The following DNAI4 variants were observed in gnomAD, a reference collection of about 807,000 sequenced individuals.
DNAI4 encodes the protein WD repeat domain 78.
In DNAI4, 85 loss-of-function variants were observed where a neutral mutation model predicts 105.8. That is an observed-to-expected ratio of 0.80 (90% CI 0.67 to 0.96). The LOEUF is 0.96. Ranked by LOEUF, DNAI4 falls within the 40% of genes least tolerant of loss-of-function variation. The pLI is 0.00. For missense variants in DNAI4, 1,014 were observed against 1,005.6 expected (o/e 1.01, Z -0.11); for synonymous variants, 352 against 331.5 (o/e 1.06, Z -0.67).
chr1:66,827,305 G>GA (rs1039909516), intron 14 of DNAI4, among the ~76,000 whole-genome samples: 3 of 151,372 alleles, frequency 2.0e-5, no homozygotes, highest in Non-Finnish European at 4.4e-5. Context: ...AGAGTATTAA[G>GA]AAAAAAAAGA....
rs909084782 is a variant in DNAI4, at chr1:66,867,492, A to AT, written c.940+3877dup. ...TTGTTTTTCTTCTCTACTTCTTGGA[A>AT]TTTTTTTTTTGTTATCTTCCAAACA... On this transcript the variant is annotated intron_variant, in intron 6 of 16. Coordinates refer to ENST00000371026, the MANE Select transcript of DNAI4 (RefSeq NM_024763.5). Among the ~76,000 whole-genome samples, 201 of 148,610 alleles carry AT rather than the reference A, an allele frequency of 1.4e-3. 1 individual carries two copies. The highest frequency in any genetic ancestry group is 3.2e-3 in the African/African-American group (129 of 40,570).
At chr1:66,912,261 A>C (rs1197798238) in intron 1 of DNAI4, among the ~76,000 whole-genome samples, 1 of 152,028 alleles carries the variant, frequency 6.6e-6, no homozygotes, top group Non-Finnish European at 1.5e-5. Context: ...ACTTGAGGTC[A>C]GGAGTTTCAG....
At chr1:66,884,543 A>G (rs1647151813) in intron 4 of DNAI4, among the ~76,000 whole-genome samples, 1 of 152,178 alleles carries the variant, frequency 6.6e-6, no homozygotes, top group Admixed American at 6.5e-5. Context: ...CATATGTTGA[A>G]CCATGCTTGC....
chr1:66,849,442 G>A (rs1234204167), intron 7 of DNAI4, among the ~76,000 whole-genome samples: 2 of 152,144 alleles, frequency 1.3e-5, no homozygotes, highest in Non-Finnish European at 2.9e-5. Flanking sequence ...AACAAAGCCT[G>A]CTAAAATGGA....
At chr1:66,837,541 C>T (rs938343485) in intron 10 of DNAI4, 169 bp downstream of exon 10, 2 of 767,646 alleles carry the variant, frequency 2.6e-6, no homozygotes, top group Non-Finnish European at 4.1e-6. Flanking sequence ...ATTATCTTTA[C>T]CCTATGTCAA....
chr1:66,829,928 C>T (rs1645831968), intron 13 of DNAI4, among the ~76,000 whole-genome samples: 1 of 152,074 alleles, frequency 6.6e-6, no homozygotes, highest in African/African-American at 2.4e-5. Context: ...GGAAAATCCC[C>T]AAATATCTGG....
At chr1:66,825,739 G>A (rs1337987740) in intron 15 of DNAI4, among the ~76,000 whole-genome samples, 1 of 152,114 alleles carries the variant, frequency 6.6e-6, no homozygotes, top group Non-Finnish European at 1.5e-5. Context: ...CCTCATACTT[G>A]TAATCCTTGA....
At chr1:66,829,859 A>G (rs889568156) in intron 13 of DNAI4, among the ~76,000 whole-genome samples, 1 of 152,210 alleles carries the variant, frequency 6.6e-6, no homozygotes, top group Non-Finnish European at 1.5e-5. Context: ...CAGTTTATAA[A>G]AAGTATTTTC....
At chr1:66,835,474 GGA>G (rs1327337536) in intron 11 of DNAI4, 150 bp downstream of exon 11, 10 of 812,206 alleles carry the variant, frequency 1.2e-5, no homozygotes, top group Non-Finnish European at 1.9e-5. Context: ...CATTCCAGCT[GGA>G]GAGACAATAT....
intron 3 of DNAI4, 35 bp from the exon 4 acceptor site, chr1:66,891,301 TAG>T (rs758418144): frequency 5.2e-5 from 74 of 1,427,364 alleles, no homozygotes; most frequent in Non-Finnish European, 6.9e-5. Context: ...CTCATTTATT[TAG>T]ATGTCCTTAT....
intron 1 of DNAI4, among the ~76,000 whole-genome samples, chr1:66,914,152 C>CT (rs1649890238): frequency 6.6e-6 from 1 of 152,036 alleles, no homozygotes; most frequent in African/African-American, 2.4e-5. Context: ...AATAAATAAT[C>CT]TAAGAGTGAG....
At position 66,865,578 on chromosome 1, in the gene DNAI4, C is replaced by A. The variant is rs954522658; in HGVS notation, c.941-3276G>T. ...TGATAAGTCTAATTGAAAAATGTAG[C>A]CTTAAATCTGCAACTAAATGGACTT... is the stretch of plus-strand genomic sequence containing the variant. On this transcript the variant is annotated intron_variant, in intron 6 of 16. Coordinates refer to ENST00000371026, the MANE Select transcript of DNAI4 (RefSeq NM_024763.5). Among the ~76,000 whole-genome samples, 3 of 152,056 alleles carry A rather than the reference C, an allele frequency of 2.0e-5. No individual in the cohort carries two copies. In the East Asian group the frequency reaches 5.8e-4, roughly 29 times the overall value.
intron 2 of DNAI4, chr1:66,904,958 G>A (rs772123413): frequency 9.0e-5 from 36 of 399,136 alleles, no homozygotes; most frequent in Non-Finnish European, 4.9e-5. Flanking sequence ...TAAGCAAATA[G>A]TTCTTAAGGT....
chr1:66,893,041 A>AAG (rs1274274809), intron 3 of DNAI4, among the ~76,000 whole-genome samples, 188 bp downstream of exon 3: 1 of 122,742 alleles, frequency 8.1e-6, no homozygotes, highest in African/African-American at 3.6e-5. Context: ...AGAGGAAAGA[A>AAG]AGAAAGAAAG....
intron 15 of DNAI4, among the ~76,000 whole-genome samples, chr1:66,825,566 A>C (rs1207984496): frequency 6.6e-6 from 1 of 152,210 alleles, no homozygotes; most frequent in Admixed American, 6.5e-5. Context: ...AAGTTTTCCT[A>C]GTCTTCGTCA....
chr1:66,898,195 C>T (rs547327464), intron 2 of DNAI4, among the ~76,000 whole-genome samples: 1 of 152,112 alleles, frequency 6.6e-6, no homozygotes, highest in Non-Finnish European at 1.5e-5. Context: ...GGAATGTATA[C>T]CCCATGTCTG....
intron 8 of DNAI4, among the ~76,000 whole-genome samples, chr1:66,842,787 T>A (rs2100493270): frequency 6.6e-6 from 1 of 152,340 alleles, no homozygotes; most frequent in Admixed American, 6.5e-5. Context: ...ATAAGACTTC[T>A]TGTTGCTCCA....
intron 7 of DNAI4, among the ~76,000 whole-genome samples, chr1:66,856,468 G>A (rs993906912): frequency 2.0e-4 from 31 of 151,726 alleles, no homozygotes; most frequent in Middle Eastern, 3.4e-3. Flanking sequence ...GCGAGACTCC[G>A]TCTCAAAAAA....
At chr1:66,861,075 A>G (rs1477728852) in intron 7 of DNAI4, among the ~76,000 whole-genome samples, 1 of 152,146 alleles carries the variant, frequency 6.6e-6, no homozygotes, top group South Asian at 2.1e-4. Context: ...ATGAGATTTT[A>G]AAAAAGGAAC....
Sources: allele counts gnomAD v4.1 joint callset (sites outside exome capture counted in the v4.1 genomes callset), GRCh38; gene constraint gnomAD v4.1.1; transcripts MANE v1.5; gene names NCBI Gene and HGNC (gene_info 2026-07-23, HGNC 2026-07-21).